The following CGNL1 variants were observed in gnomAD, a reference collection of about 807,000 sequenced individuals.
CGNL1 encodes the protein cingulin like 1, also known as cingulin-like protein 1.
In CGNL1, 132 loss-of-function variants were observed where a neutral mutation model predicts 141.2. That is an observed-to-expected ratio of 0.93 (90% CI 0.81 to 1.08). CGNL1 has a LOEUF of 1.08. Ranked by LOEUF, CGNL1 falls within the 50% of genes least tolerant of loss-of-function variation. CGNL1 has a pLI of 0.00. For missense variants in CGNL1, 1,870 were observed against 1,588.6 expected, an observed-to-expected ratio of 1.18 and a Z score of -3.01; for synonymous variants, 690 against 622.1, an observed-to-expected ratio of 1.11 and a Z score of -1.63.
chr15:57,394,994 C>G (rs1410411957), intron 1 of CGNL1, among the ~76,000 whole-genome samples: 1 of 152,188 alleles, frequency 6.6e-6, no homozygotes, highest in African/African-American at 2.4e-5. Flanking sequence ...CGCCTGTAGT[C>G]CCAGCTACCT....
At chr15:57,444,777 C>T (rs1349666835) in intron 4 of CGNL1, among the ~76,000 whole-genome samples, 3 of 152,114 alleles carry the variant, frequency 2.0e-5, no homozygotes, top group African/African-American at 7.2e-5. Context: ...CCAGGATGGG[C>T]TGAGGAAGAG....
chr15:57,481,766 G>C (rs73421838), intron 8 of CGNL1, among the ~76,000 whole-genome samples: 6,666 of 151,992 alleles, frequency 0.044, 515 homozygotes, highest in African/African-American at 0.15. Context: ...ATTTTTTTCT[G>C]AGATAAATAT....
rs114497216 is a variant in CGNL1, at chr15:57,540,709, A to G, written c.3292-2987A>G. Among the ~76,000 whole-genome samples, 617 of 152,238 alleles carry G rather than the reference A, an allele frequency of 4.1e-3. 3 individuals are homozygous for G. The highest frequency in any genetic ancestry group is 0.014 in the African/African-American group (600 of 41,550). ...CCAGCACACTGTCCTTTCCTGTCAT[A>G]GTGACACTGACCTCTTATGCAGGGC... On this transcript the variant is annotated intron_variant, in intron 14 of 18. Transcript: ENST00000281282.
chr15:57,466,334 G>C (rs1300998789), intron 8 of CGNL1, among the ~76,000 whole-genome samples: 3 of 152,186 alleles, frequency 2.0e-5, no homozygotes, highest in Non-Finnish European at 4.4e-5. Flanking sequence ...GGATGTGAAT[G>C]ACTGCCATCT....
Position 57,440,520 on chromosome 15 carries a change from G to C in CGNL1, c.1697+49G>C, listed in dbSNP as rs1268675053. 3.6e-6 allele frequency: 5 copies of C among 1,377,580 alleles called. No individual in the cohort carries two copies. The Admixed American group carries it at 7.9e-5, about 22-fold the overall frequency. 85.3% of individuals were successfully genotyped at this position (1,377,580 alleles called of 1,614,324 possible). Reference sequence around the variant, plus strand: ...AGCAAAGTATTGTTGTTTCTGGTGGGACTCTTAATTTCCTTTTCCGAGGCT... The same window carrying C: ...AGCAAAGTATTGTTGTTTCTGGTGGCACTCTTAATTTCCTTTTCCGAGGCT... On this transcript the variant is annotated intron_variant, in intron 3 of 18. Coordinates refer to ENST00000281282, the MANE Select transcript of CGNL1 (RefSeq NM_032866.5).
intron 1 of CGNL1, among the ~76,000 whole-genome samples, chr15:57,410,732 C>G (rs1820595895): frequency 6.6e-6 from 1 of 152,206 alleles, no homozygotes; most frequent in African/African-American, 2.4e-5. Context: ...AAACTTTTGC[C>G]TCTTAATTTT....
intron 8 of CGNL1, among the ~76,000 whole-genome samples, chr15:57,503,242 T>C (rs2064051551): frequency 2.0e-5 from 3 of 152,230 alleles, no homozygotes; most frequent in African/African-American, 7.2e-5. Flanking sequence ...CTCCTACTCC[T>C]GATGAGGTGG....
intron 1 of CGNL1, among the ~76,000 whole-genome samples, chr15:57,387,902 A>G (rs960288757): frequency 3.9e-5 from 6 of 152,116 alleles, no homozygotes; most frequent in Non-Finnish European, 5.9e-5. Flanking sequence ...GGGTTCAGAG[A>G]TGGGGGCTGG....
Position 57,549,451 on chromosome 15 carries a change from A to G in CGNL1, c.*1961A>G, listed in dbSNP as rs2033017709. On this transcript the variant is annotated 3_prime_UTR_variant, in exon 19 of 19. Coordinates refer to ENST00000281282, the MANE Select transcript of CGNL1 (RefSeq NM_032866.5). ...CCACCCGGCAGGTTTCAGAGTGGTCAGCCCAGTTTAAGGGTGGGAGTCTGG... is the reference window on the plus strand; with the variant it reads ...CCACCCGGCAGGTTTCAGAGTGGTCGGCCCAGTTTAAGGGTGGGAGTCTGG... 6.6e-6 allele frequency: 1 copy of G among 152,384 alleles called. No individual in the cohort carries two copies. The highest frequency in any genetic ancestry group is 2.1e-4 in the South Asian group (1 of 4,826). 9.4% of individuals were successfully genotyped at this position (152,384 alleles called of 1,614,324 possible).
Position 57,484,547 on chromosome 15 carries a change from A to AT in CGNL1, c.2403+22661dup, listed in dbSNP as rs574206379. Among the ~76,000 whole-genome samples the AT allele has an allele frequency of 2.1e-3, 317 of 151,780 alleles. 3 individuals carry two copies. Among genetic ancestry groups the AT allele is most frequent in the African/African-American group, 7.1e-3 (292 of 41,382 alleles). ...TTAACATTTGATTAGTGGTTTTTAG[A>AT]TTTTTTATTTTTTATTTTACTTTAA... On this transcript the variant is annotated intron_variant, in intron 8 of 18. Coordinates refer to ENST00000281282, the MANE Select transcript of CGNL1 (RefSeq NM_032866.5).
At chr15:57,483,468 C>CTTTTTTTTTTTTTTTTTTTT (rs60667956) in intron 8 of CGNL1, among the ~76,000 whole-genome samples, 2 of 127,806 alleles carry the variant, frequency 1.6e-5, no homozygotes, top group Non-Finnish European at 3.3e-5. Context: ...ACAAAGTTTT[C>CTTTTTTTTTTTTTTTTTTTT]TTTTTTTTTT....
chr15:57,504,917 T>A lies in CGNL1; in HGVS notation c.2404-11863T>A, dbSNP rs573647052. Among the ~76,000 whole-genome samples, 93 of 152,308 alleles carry A rather than the reference T, an allele frequency of 6.1e-4. 1 individual carries two copies. The highest frequency in any genetic ancestry group is 2.2e-3 in the African/African-American group (91 of 41,572). On this transcript the variant is annotated intron_variant, in intron 8 of 18. Transcript: ENST00000281282. The stretch of plus-strand genomic sequence containing the variant: ...GGCCTGTTTGGTCAGCACCCCAAGA[T>A]GGTTCCTTTTTAAAACAGATGAGGG...
Position 57,439,280 on chromosome 15 carries a change from G to C in CGNL1, c.1281G>C (p.Gln427His), listed in dbSNP as rs1470106277. The change falls in exon 2 of 19, where the codon CAG (glutamine) becomes CAC (histidine). Residue 427 changes from glutamine to histidine, a missense_variant. Coordinates refer to ENST00000281282, the MANE Select transcript of CGNL1 (RefSeq NM_032866.5). The part of the protein sequence containing the change: ...HLLRPSQVCP[Q>H]RPLSQERRGK... ...TCCGGCCTTCCCAGGTGTGCCCGCA[G>C]CGGCCACTGTCTCAGGAGCGCCGTG... The C allele has an allele frequency of 3.7e-6, 6 of 1,613,950 alleles. No homozygotes were observed. Among genetic ancestry groups the C allele is most frequent in the Non-Finnish European group, 5.1e-6 (6 of 1,180,050 alleles).
intron 10 of CGNL1, among the ~76,000 whole-genome samples, chr15:57,522,887 G>A (rs771106794): frequency 3.4e-4 from 52 of 152,124 alleles, no homozygotes; most frequent in Non-Finnish European, 6.8e-4. Flanking sequence ...AACACCTTCT[G>A]TTCATCAAGT....
intron 14 of CGNL1, among the ~76,000 whole-genome samples, chr15:57,538,900 AGT>A (rs1390734316): frequency 6.6e-6 from 1 of 152,096 alleles, no homozygotes; most frequent in Non-Finnish European, 1.5e-5. Context: ...GGGAAAAAAG[AGT>A]GTATGAGTTT....
At position 57,524,680 on chromosome 15, in the gene CGNL1, C is replaced by A. The variant is rs1330212641; in HGVS notation, c.2968C>A (p.Gln990Lys). 5 of 1,614,050 alleles carry A rather than the reference C, an allele frequency of 3.1e-6. No homozygotes were observed. Among genetic ancestry groups the A allele is most frequent in the Non-Finnish European group, 4.2e-6 (5 of 1,180,040 alleles). ...AAACCGCAGGGAGCTCGCAGAAATGCAAAGACAGTTGAAGGAGAAAACGCT... is the reference window on the plus strand; with the variant it reads ...AAACCGCAGGGAGCTCGCAGAAATGAAAAGACAGTTGAAGGAGAAAACGCT... Reference protein sequence around the residue: ...EKNRRELAEMQRQLKEKTLEA... With the variant: ...EKNRRELAEMKRQLKEKTLEA... The change falls in exon 12 of 19, where the codon CAA (glutamine) becomes AAA (lysine). Residue 990 changes from glutamine (Q) to lysine (K), a missense_variant. Transcript: ENST00000281282.
At chr15:57,540,128 C>T (rs2032486224) in intron 14 of CGNL1, among the ~76,000 whole-genome samples, 1 of 152,158 alleles carries the variant, frequency 6.6e-6, no homozygotes, top group African/African-American at 2.4e-5. Flanking sequence ...TCCAACACTG[C>T]CCTTCTCTTT....
chr15:57,382,751 G>A (rs2062437907), intron 1 of CGNL1, among the ~76,000 whole-genome samples: 1 of 152,152 alleles, frequency 6.6e-6, no homozygotes, highest in Admixed American at 6.5e-5. Context: ...GAACGACTGT[G>A]ACCAGGACTA....
chr15:57,405,405 C>T (rs1326584945), intron 1 of CGNL1, among the ~76,000 whole-genome samples: 3 of 152,188 alleles, frequency 2.0e-5, no homozygotes, highest in African/African-American at 7.2e-5. Flanking sequence ...GGTGCTGCTC[C>T]CGATTTGGGA....
Sources: gnomAD v4.1 joint callset for allele counts (sites outside exome capture counted in the v4.1 genomes callset) on GRCh38, gnomAD v4.1.1 for gene constraint, MANE v1.5 for transcripts, NCBI Gene and HGNC (gene_info 2026-07-23, HGNC 2026-07-21) for gene names.